FBN3: variants seen among roughly 807,000 people sequenced by gnomAD.
The protein encoded by FBN3 is fibrillin 3.
A neutral mutation model predicts 330.1 loss-of-function variants in FBN3; 234 were observed. That is an observed-to-expected ratio of 0.71 (90% CI 0.64 to 0.79). The LOEUF (loss-of-function observed/expected upper bound fraction) is 0.79. Ranked by LOEUF, FBN3 falls within the 30% of genes least tolerant of loss-of-function variation. The pLI is 0.00. For missense variants in FBN3, 3,606 were observed against 3,886.9 expected, an observed-to-expected ratio of 0.93 and a Z score of 1.92; for synonymous variants, 1,458 against 1,517.3, an observed-to-expected ratio of 0.96 and a Z score of 0.91.
At chr19:8,089,758 A>G in intron 50 of FBN3, 88 bp from the exon 51 acceptor site, 1 of 1,574,958 alleles carries the variant, frequency 6.3e-7, no homozygotes, top group South Asian at 1.2e-5. Context: ...AGGGGACAAA[A>G]GCCCAAGCCC....
At chr19:8,117,432 G>A in intron 27 of FBN3, 32 bp downstream of exon 27, 1 of 1,557,876 alleles carries the variant, frequency 6.4e-7, no homozygotes. Flanking sequence ...TGTGGTTGGT[G>A]CCCAGGGGCC....
intron 63 of FBN3, among the ~76,000 whole-genome samples, chr19:8,069,371 C>A (rs921750777): frequency 6.6e-6 from 1 of 152,210 alleles, no homozygotes; most frequent in Non-Finnish European, 1.5e-5. Context: ...AGAAAGTCAT[C>A]TGTGTTTTCT....
chr19:8,109,357 C>G lies in FBN3; in HGVS notation c.4488G>C (p.Thr1496=), dbSNP rs143694434. The G allele has an allele frequency of 1.9e-6, 3 of 1,614,150 alleles. No homozygotes were observed. The African/African-American group carries it at 4.0e-5, about 22-fold the overall frequency. Residue 1496 remains threonine (T), a synonymous_variant, in exon 36 of 64, where the codon ACG becomes ACC. Coordinates refer to ENST00000600128, the MANE Select transcript of FBN3 (RefSeq NM_032447.5). The surrounding 1 kb of genome is among the most constrained non-coding windows in gnomAD (Gnocchi z 5.2). ...AAATGCCACTGTCCCCTCGGTCATGCGTCTCCAGGAAACAGTTCCCGGCCC... is the reference window on the plus strand; with the variant it reads ...AAATGCCACTGTCCCCTCGGTCATGGGTCTCCAGGAAACAGTTCCCGGCCC... The part of the protein sequence containing the change: ...DTRAGNCFLE[T]HDRGDSGISC...
chr19:8,140,321 G>A (rs576017611), intron 8 of FBN3, among the ~76,000 whole-genome samples: 9 of 152,190 alleles, frequency 5.9e-5, no homozygotes, highest in Admixed American at 3.3e-4. Flanking sequence ...AAAATTAGCC[G>A]GGCATGGTGG....
At position 8,102,876 on chromosome 19, in the gene FBN3, G is replaced by C. The variant is rs1018505583; in HGVS notation, c.4940-3C>G. 4.3e-6 allele frequency: 7 copies of C among 1,613,940 alleles called. No homozygotes were observed. In the Admixed American group the frequency reaches 1.2e-4, roughly 27 times the overall value. On this transcript the variant is annotated splice_polypyrimidine_tract_variant and splice_region_variant and intron_variant, in intron 39 of 63. Coordinates refer to ENST00000600128, the MANE Select transcript of FBN3 (RefSeq NM_032447.5). ...GAAGCAGACACTCTTCCTCATATCT[G>C]TAGTTGGCACAAAGGAGAAGAATGT...
rs186298780 is a variant in FBN3 at position 8,130,719 on chromosome 19, T to C, written c.2044+516A>G. Among the ~76,000 whole-genome samples the C allele has an allele frequency of 4.2e-5, 6 of 144,546 alleles. No individual in the cohort carries two copies. The Admixed American group carries it at 4.3e-4, about 10-fold the overall frequency. 94.8% of individuals were successfully genotyped at this position (144,546 alleles called of 152,430 possible). On this transcript the variant is annotated intron_variant, in intron 16 of 63. Transcript: ENST00000600128. The stretch of plus-strand genomic sequence containing the variant: ...AGAAAAGAAAAGGAAGAAAAACAAA[T>C]GAGCAGGTCATGGTGGTGAGTGCCT...
At chr19:8,080,192 A>T (rs1295544164) in intron 59 of FBN3, among the ~76,000 whole-genome samples, 2 of 152,176 alleles carry the variant, frequency 1.3e-5, no homozygotes, top group Admixed American at 6.5e-5. Flanking sequence ...GGAGTTTGCC[A>T]CCCTTTGGTC....
rs748460705 is a variant in FBN3, at chr19:8,087,215, C to T, written c.6620-4G>A. 50 of 1,584,336 alleles carry T rather than the reference C, an allele frequency of 3.2e-5. No homozygotes were observed. Among genetic ancestry groups the T allele is most frequent in the Admixed American group, 1.1e-4 (6 of 55,898 alleles). On this transcript the variant is annotated splice_region_variant and splice_polypyrimidine_tract_variant and intron_variant, in intron 53 of 63. Transcript: ENST00000600128. ...CCATCTGCACACTCGTCCACATCTT[C>T]GGATGACCAGAGACAGATGGTCAGT... is the stretch of plus-strand genomic sequence containing the variant.
At chr19:8,099,319 C>T (rs1304506638) in intron 41 of FBN3, among the ~76,000 whole-genome samples, 2 of 118,354 alleles carry the variant, frequency 1.7e-5, no homozygotes, top group Admixed American at 1.2e-4. Context: ...CTTGCTCTGT[C>T]GCCCAGGCTA....
In FBN3 at chr19:8,103,672, G is replaced by C. The variant is rs758542833; in HGVS notation, c.4829C>G (p.Ser1610Cys). ...AGGGCCACAGATGCCGGAGTGTGTGGAGCATTCGTCAATATCTGCAGGGAA... is the reference window on the plus strand; with the variant it reads ...AGGGCCACAGATGCCGGAGTGTGTGCAGCATTCGTCAATATCTGCAGGGAA... ...TRICEDIDECSTHSGICGPGT... is the reference protein window; with the variant it reads ...TRICEDIDECCTHSGICGPGT... Residue 1610 changes from serine to cysteine, a missense_variant, in exon 39 of 64, where the codon TCC becomes TGC. Ser to Cys is a moderately radical substitution (Grantham distance 112). Coordinates refer to ENST00000600128, the MANE Select transcript of FBN3 (RefSeq NM_032447.5). 3.1e-6 allele frequency: 5 copies of C among 1,613,388 alleles called. No homozygotes were observed. Among genetic ancestry groups the C allele is most frequent in the Non-Finnish European group, 8.5e-7 (1 of 1,179,630 alleles).
intron 47 of FBN3, among the ~76,000 whole-genome samples, chr19:8,093,190 A>G (rs6603141): frequency 0.74 from 112,511 of 152,062 alleles, 41,739 homozygotes; most frequent in East Asian, 0.81. Context: ...TAGCCCAAAT[A>G]GAATAGATCA....
chr19:8,144,445 T>C (rs1011972296), intron 6 of FBN3, among the ~76,000 whole-genome samples: 13 of 151,598 alleles, frequency 8.6e-5, no homozygotes, highest in Admixed American at 6.6e-5. Context: ...GCCCATCTCA[T>C]GAAGTCCAGT....
intron 3 of FBN3, 94 bp from the exon 4 acceptor site, chr19:8,146,319 G>T: frequency 3.0e-6 from 3 of 993,190 alleles, no homozygotes; most frequent in South Asian, 1.4e-5. Context: ...CACCTCAGTG[G>T]ACGCTGCTGG....
chr19:8,075,134 C>T lies in FBN3; in HGVS notation c.7639G>A (p.Gly2547Arg). The change falls in exon 61 of 64, where the codon GGG becomes AGG. Residue 2547 changes from glycine (G) to arginine (R), a missense_variant. By Grantham distance (125) the Gly-to-Arg change is moderately radical. Coordinates refer to ENST00000600128, the MANE Select transcript of FBN3 (RefSeq NM_032447.5). ...RCQHGCQNQL[G>R]GYRCSCPQGF... The stretch of plus-strand genomic sequence containing the variant: ...TGGGGGCAGCTGCAGCGGTAGCCCC[C>T]TAGCTGGTTCTGACAGCCATGCTGG... The T allele has an allele frequency of 6.3e-7, 1 of 1,581,916 alleles. No homozygotes were observed.
At position 8,136,235 on chromosome 19, in the gene FBN3, A is replaced by G; in HGVS notation, c.1420T>C (p.Cys474Arg). ...GGCGTGGCCTGGAAGCCCGGGTAGCACCGGCAGTGGTAGGTGCCGGGGATG... is the reference window on the plus strand; with the variant it reads ...GGCGTGGCCTGGAAGCCCGGGTAGCGCCGGCAGTGGTAGGTGCCGGGGATG... Reference protein sequence around the residue: ...VNIPGTYHCRCYPGFQATPTR... With the variant: ...VNIPGTYHCRRYPGFQATPTR... Residue 474 changes from cysteine (C) to arginine (R), a missense_variant, in exon 12 of 64, where the codon TGC (cysteine) becomes CGC (arginine). Transcript: ENST00000600128. 1.2e-6 allele frequency: 2 copies of G among 1,611,584 alleles called. No homozygotes were observed. The highest frequency in any genetic ancestry group is 1.7e-6 in the Non-Finnish European group (2 of 1,179,344).
chr19:8,080,910 T>G, intron 59 of FBN3, 93 bp downstream of exon 59: 1 of 903,752 alleles, frequency 1.1e-6, no homozygotes, highest in Non-Finnish European at 1.8e-6. Flanking sequence ...GCGTGAGCCA[T>G]TGCGCCTGGC....
chr19:8,135,785 T>G (rs1422888383), intron 13 of FBN3, among the ~76,000 whole-genome samples, 176 bp downstream of exon 13: 1 of 151,308 alleles, frequency 6.6e-6, no homozygotes, highest in Non-Finnish European at 1.5e-5. Context: ...AAGGGGAGAG[T>G]CAGGGTGGTC....
intron 59 of FBN3, 77 bp from the exon 60 acceptor site, chr19:8,075,488 C>T (rs2081620107): frequency 4.7e-6 from 7 of 1,485,664 alleles, no homozygotes; most frequent in Non-Finnish European, 6.4e-6. Flanking sequence ...CCAGTCCCAC[C>T]ACTGTGTGGC....
intron 32 of FBN3, 121 bp downstream of exon 32, chr19:8,111,527 C>A: frequency 8.7e-7 from 1 of 1,153,940 alleles, no homozygotes. Flanking sequence ...TCTCCAGCAC[C>A]CACAGAGCGG....
Sources: allele counts gnomAD v4.1 joint callset (sites outside exome capture counted in the v4.1 genomes callset), GRCh38; gene constraint gnomAD v4.1.1; non-coding constraint Gnocchi (gnomAD v3.1); transcripts MANE v1.5; gene names NCBI Gene and HGNC (gene_info 2026-07-23, HGNC 2026-07-21).